TBC1D1: variants seen among roughly 807,000 people sequenced by gnomAD.
TBC1D1 encodes TBC1 (tre-2/USP6, BUB2, cdc16) domain family, member 1.
In TBC1D1, 89 loss-of-function variants were observed where a neutral mutation model predicts 125.6. The ratio of observed to expected loss-of-function variants is 0.71; its 90% CI spans 0.60 to 0.85. TBC1D1 has a LOEUF of 0.85. Among genes scored for constraint, TBC1D1 ranks in the 40% least tolerant of loss-of-function variants. TBC1D1 has a pLI of 0.00. For missense variants in TBC1D1, 1,377 were observed against 1,469.2 expected (o/e 0.94, Z 1.03); for synonymous variants, 565 against 564.1 (o/e 1.00, Z -0.02).
At chr4:37,937,981 A>G (rs62298460) in intron 2 of TBC1D1, among the ~76,000 whole-genome samples, 13,247 of 152,208 alleles carry the variant, frequency 0.087, 802 homozygotes, top group Admixed American at 0.18. Flanking sequence ...TGTGGGTTCT[A>G]TTGGAGGGAA....
intron 2 of TBC1D1, among the ~76,000 whole-genome samples, chr4:37,925,034 A>G (rs1249523552): frequency 1.3e-5 from 2 of 152,236 alleles, no homozygotes; most frequent in East Asian, 1.9e-4. Flanking sequence ...TAACATGCCA[A>G]CGACACATCC....
At chr4:37,960,701 T>G (rs1729834034) in intron 2 of TBC1D1, 1 of 1,614,120 alleles carries the variant, frequency 6.2e-7, no homozygotes, top group Non-Finnish European at 8.5e-7. Context: ...CAAGCTTTTC[T>G]GCCAAAAAGA....
rs185316829 is a variant in TBC1D1, at chr4:37,998,326, C to G, written c.418-16183C>G. Among the ~76,000 whole-genome samples the G allele has an allele frequency of 1.2e-3, 182 of 152,334 alleles. 1 individual carries two copies. Among genetic ancestry groups the G allele is most frequent in the African/African-American group, 4.3e-3 (178 of 41,566 alleles). Reference sequence around the variant, plus strand: ...GAGCCATTGCCACTTCATCCTTCTGCCTGTCATCCTTCCTCTGCTGTTATG... The same window carrying G: ...GAGCCATTGCCACTTCATCCTTCTGGCTGTCATCCTTCCTCTGCTGTTATG... On this transcript the variant is annotated intron_variant, in intron 2 of 19. Transcript: ENST00000261439.
intron 15 of TBC1D1, among the ~76,000 whole-genome samples, chr4:38,115,352 T>C (rs1441114903): frequency 6.6e-6 from 1 of 152,162 alleles, no homozygotes; most frequent in African/African-American, 2.4e-5. Context: ...TCCTTCCACC[T>C]AGGCCTCTGA....
Position 38,035,623 on chromosome 4 carries a change from A to G in TBC1D1, c.1338A>G (p.Glu446=). The change falls in exon 8 of 20, where the codon GAA becomes GAG. Residue 446 remains glutamate (E), a synonymous_variant. Transcript: ENST00000261439. ...CGAGAAATGAGCAGCGAGAGAATGA[A>G]TTGATTATTTCTTTTCTGAGATGTT... 1 of 1,613,898 alleles carries G rather than the reference A, an allele frequency of 6.2e-7. No individual in the cohort carries two copies. Among genetic ancestry groups the G allele is most frequent in the Non-Finnish European group, 8.5e-7 (1 of 1,179,826 alleles).
intron 2 of TBC1D1, among the ~76,000 whole-genome samples, chr4:38,004,016 G>A (rs1402838943): frequency 6.6e-6 from 1 of 152,182 alleles, no homozygotes; most frequent in East Asian, 1.9e-4. Context: ...AAGGTAGCTG[G>A]TAATGTCTCA....
In TBC1D1 at chr4:38,054,257, C is replaced by G. The variant is rs140253816; in HGVS notation, c.1969C>G (p.Arg657Gly). The stretch of plus-strand genomic sequence containing the variant: ...TTCTGGTGGGACTCCTGTGAAGACC[C>G]GGAGGCATTCCTGGAGGCAGCAGAT... Residue 657 changes from arginine (R) to glycine (G), a missense_variant, in exon 12 of 20, where the codon CGG (arginine) becomes GGG (glycine). Arg to Gly is a moderately radical substitution (Grantham distance 125, BLOSUM62 -2). Transcript: ENST00000261439. 211 of 1,614,154 alleles carry G rather than the reference C, an allele frequency of 1.3e-4. No individual in the cohort carries two copies. Among genetic ancestry groups the G allele is most frequent in the Non-Finnish European group, 8.7e-5 (103 of 1,180,012 alleles).
chr4:37,950,447 C>CTTGA (rs1727593468), intron 2 of TBC1D1, among the ~76,000 whole-genome samples: 1 of 130,370 alleles, frequency 7.7e-6, no homozygotes, highest in Non-Finnish European at 1.7e-5. Flanking sequence ...GCCGTCTTTG[C>CTTGA]AAAAAAAAAA....
chr4:37,949,675 A>G (rs1189071950), intron 2 of TBC1D1, among the ~76,000 whole-genome samples: 2 of 152,216 alleles, frequency 1.3e-5, no homozygotes, highest in African/African-American at 4.8e-5. Flanking sequence ...CAGACGTTCT[A>G]CATGAGAGGT....
chr4:38,011,095 TA>T (rs1160401422), intron 2 of TBC1D1, among the ~76,000 whole-genome samples: 2 of 152,198 alleles, frequency 1.3e-5, no homozygotes, highest in Non-Finnish European at 2.9e-5. Flanking sequence ...CTCACGCCTG[TA>T]ATCCCACCAC....
chr4:37,996,727 T>G (rs1005356707), intron 2 of TBC1D1, among the ~76,000 whole-genome samples: 3 of 152,258 alleles, frequency 2.0e-5, no homozygotes, highest in African/African-American at 7.2e-5. Flanking sequence ...AATTTTTCTG[T>G]TCATTTGGAA....
intron 12 of TBC1D1, among the ~76,000 whole-genome samples, chr4:38,082,003 GAAGATGA>G (rs967540728): frequency 4.6e-5 from 7 of 152,158 alleles, no homozygotes; most frequent in Non-Finnish European, 1.0e-4. Flanking sequence ...CGTTGGTGGT[GAAGATGA>G]AATCAGTGGG....
chr4:38,017,027 A>G (rs1338102000), intron 3 of TBC1D1, among the ~76,000 whole-genome samples: 1 of 150,368 alleles, frequency 6.7e-6, no homozygotes, highest in African/African-American at 2.5e-5. Context: ...AGAAAGTCAA[A>G]TTAATGGGAT....
chr4:38,089,828 T>C (rs900023262), intron 12 of TBC1D1, 104 bp from the exon 15 acceptor site: 3 of 1,194,750 alleles, frequency 2.5e-6, no homozygotes, highest in Admixed American at 2.6e-5. Flanking sequence ...GGTGATATTA[T>C]TATATTTTAT....
intron 12 of TBC1D1, among the ~76,000 whole-genome samples, chr4:38,072,214 C>T (rs140912444): frequency 2.2e-3 from 330 of 152,312 alleles, no homozygotes; most frequent in African/African-American, 7.6e-3. Flanking sequence ...GAGAGACACA[C>T]GTCTGTATGA....
At chr4:38,008,149 T>G (rs1042893035) in intron 2 of TBC1D1, among the ~76,000 whole-genome samples, 6 of 152,242 alleles carry the variant, frequency 3.9e-5, no homozygotes, top group Non-Finnish European at 7.3e-5. Context: ...AGATTGAATA[T>G]TCAGTGATTC....
At chr4:38,058,454 C>T (rs751149360) in intron 12 of TBC1D1, among the ~76,000 whole-genome samples, 10 of 152,192 alleles carry the variant, frequency 6.6e-5, no homozygotes, top group African/African-American at 1.7e-4. Flanking sequence ...TTTGCCTGGG[C>T]GGCTGAGCCA....
chr4:37,944,911 C>G (rs996730235), intron 2 of TBC1D1, among the ~76,000 whole-genome samples: 1 of 152,178 alleles, frequency 6.6e-6, no homozygotes, highest in Non-Finnish European at 1.5e-5. Flanking sequence ...AGAAATCACC[C>G]GTCTTCTGTG....
At chr4:38,126,851 G>C (rs990804265) in intron 18 of TBC1D1, among the ~76,000 whole-genome samples, 4 of 152,100 alleles carry the variant, frequency 2.6e-5, no homozygotes, top group Admixed American at 6.5e-5. Context: ...CCACCTCAAA[G>C]TGCTTTAGCA....
Sources: allele counts gnomAD v4.1 joint callset (sites outside exome capture counted in the v4.1 genomes callset), GRCh38; gene constraint gnomAD v4.1.1; transcripts MANE v1.5; gene names NCBI Gene and HGNC (gene_info 2026-07-23, HGNC 2026-07-21).